COL19A1: variants seen among roughly 807,000 people sequenced by gnomAD.
COL19A1 encodes collagen type XIX alpha 1 chain.
Under a neutral mutation model 190.2 loss-of-function variants are expected in COL19A1, and 159 were observed. The ratio of observed to expected loss-of-function variants is 0.84; its 90% CI spans 0.73 to 0.95. The LOEUF (loss-of-function observed/expected upper bound fraction) is 0.95, where lower values mean the gene tolerates loss of function less well. COL19A1 is among the 40% of genes least tolerant of loss of function. The pLI is 0.00. For missense variants in COL19A1, 1,418 were observed against 1,431.9 expected, an observed-to-expected ratio of 0.99 and a Z score of 0.16; for synonymous variants, 509 against 458.9, an observed-to-expected ratio of 1.11 and a Z score of -1.39.
intron 16 of COL19A1, among the ~76,000 whole-genome samples, chr6:70,106,712 G>A (rs1783991800): frequency 6.6e-6 from 1 of 152,158 alleles, no homozygotes; most frequent in Admixed American, 6.5e-5. Flanking sequence ...TTAAAAACCA[G>A]AGCTGATCTT....
intron 48 of COL19A1, among the ~76,000 whole-genome samples, chr6:70,198,028 A>G (rs1006121738): frequency 6.6e-5 from 10 of 152,254 alleles, no homozygotes; most frequent in African/African-American, 1.9e-4. Context: ...GATTTTCCTC[A>G]GAAGTAATTT....
intron 15 of COL19A1, among the ~76,000 whole-genome samples, chr6:70,093,104 T>A (rs1193384953): frequency 6.6e-6 from 1 of 152,154 alleles, no homozygotes; most frequent in Non-Finnish European, 1.5e-5. Context: ...GAGAAAAGTC[T>A]TCATTCATGA....
intron 12 of COL19A1, among the ~76,000 whole-genome samples, chr6:70,027,552 C>T (rs1357580440): frequency 8.6e-6 from 1 of 116,404 alleles, no homozygotes; most frequent in East Asian, 2.8e-4. Context: ...CTAAGTGTAT[C>T]TTAACTGTGT....
intron 9 of COL19A1, among the ~76,000 whole-genome samples, chr6:69,953,777 A>G (rs1407646857): frequency 1.3e-5 from 2 of 152,014 alleles, no homozygotes; most frequent in African/African-American, 2.4e-5. Context: ...TAGTCTGCTA[A>G]TGTTCCTGTT....
At chr6:70,180,254 C>T (rs1442450493) in intron 42 of COL19A1, 58 bp from the exon 43 acceptor site, 1 of 1,587,826 alleles carries the variant, frequency 6.3e-7, no homozygotes, top group Middle Eastern at 1.7e-4. Flanking sequence ...GGAAGAGAAG[C>T]ATATGGTGTC....
chr6:70,161,102 T>C (rs1025797190), intron 34 of COL19A1, among the ~76,000 whole-genome samples: 1 of 152,100 alleles, frequency 6.6e-6, no homozygotes, highest in Non-Finnish European at 1.5e-5. Context: ...ATTCTACAAA[T>C]CTAAGGAGGG....
At position 70,142,059 on chromosome 6, in the gene COL19A1, G is replaced by A; in HGVS notation, c.1555G>A (p.Gly519Arg). 1.9e-6 allele frequency: 3 copies of A among 1,612,046 alleles called. No homozygotes were observed. The highest frequency in any genetic ancestry group is 2.5e-6 in the Non-Finnish European group (3 of 1,178,754). ...AGATCCCGGACCCCCTGGTTTAATA[G>A]GAAGCCCAGGACTAAAGGTATATAA... Reference protein sequence around the residue: ...PGDPGPPGLIGSPGLKGQQGS... With the variant: ...PGDPGPPGLIRSPGLKGQQGS... Residue 519 changes from glycine (G) to arginine (R), a missense_variant, in exon 22 of 51, where the codon GGA becomes AGA. By Grantham distance (125) the Gly-to-Arg change is moderately radical. Transcript: ENST00000620364.
At chr6:70,171,093 A>G (rs1236474769) in intron 40 of COL19A1, among the ~76,000 whole-genome samples, 1 of 152,224 alleles carries the variant, frequency 6.6e-6, no homozygotes, top group African/African-American at 2.4e-5. Context: ...CAGCTCAGGA[A>G]AGCTTTGAAT....
chr6:70,206,815 C>T, intron 49 of COL19A1, 86 bp from the exon 50 acceptor site: 1 of 1,127,000 alleles, frequency 8.9e-7, no homozygotes, highest in Non-Finnish European at 1.3e-6. Flanking sequence ...ACATAATTAT[C>T]ACAGACTCAG....
At chr6:69,901,404 A>G (rs1770181084) in intron 4 of COL19A1, among the ~76,000 whole-genome samples, 1 of 152,218 alleles carries the variant, frequency 6.6e-6, no homozygotes, top group Admixed American at 6.5e-5. Context: ...GGTAATTTTC[A>G]TTTAATGACT....
At chr6:69,891,421 C>A (rs1769341374) in intron 2 of COL19A1, among the ~76,000 whole-genome samples, 1 of 152,054 alleles carries the variant, frequency 6.6e-6, no homozygotes, top group African/African-American at 2.4e-5. Flanking sequence ...AAGAGGGCAC[C>A]TTTTAAAGGA....
At chr6:69,873,481 G>A (rs1767957048) in intron 1 of COL19A1, among the ~76,000 whole-genome samples, 1 of 152,086 alleles carries the variant, frequency 6.6e-6, no homozygotes, top group Non-Finnish European at 1.5e-5. Flanking sequence ...AAAAAATGAG[G>A]GATGAACTTT....
At chr6:69,876,577 TC>T (rs1281079720) in intron 1 of COL19A1, among the ~76,000 whole-genome samples, 4 of 152,222 alleles carry the variant, frequency 2.6e-5, no homozygotes, top group African/African-American at 9.6e-5. Flanking sequence ...TAGTATTATT[TC>T]CAATTTGAAG....
intron 11 of COL19A1, among the ~76,000 whole-genome samples, chr6:69,965,240 C>T (rs3805973): frequency 0.074 from 11,305 of 152,172 alleles, 551 homozygotes; most frequent in East Asian, 0.2. Context: ...GACAAGTCAC[C>T]AGTTGCAAAA....
chr6:69,974,806 C>CTTTTTTT (rs35518948), intron 11 of COL19A1, among the ~76,000 whole-genome samples: 10 of 93,064 alleles, frequency 1.1e-4, no homozygotes, highest in Admixed American at 2.5e-4. Context: ...AGACAGCTTC[C>CTTTTTTT]TTTTTTTTTT....
At chr6:70,096,084 A>ATTTTTT (rs70987498) in intron 15 of COL19A1, among the ~76,000 whole-genome samples, 28 of 141,310 alleles carry the variant, frequency 2.0e-4, no homozygotes, top group Admixed American at 1.6e-3. Context: ...CGGTAACTCT[A>ATTTTTT]TTTTTTTTTT....
At chr6:69,970,998 G>A (rs1023467017) in intron 11 of COL19A1, among the ~76,000 whole-genome samples, 7 of 152,138 alleles carry the variant, frequency 4.6e-5, no homozygotes, top group Non-Finnish European at 1.0e-4. Flanking sequence ...GAGGCTTAAT[G>A]CTAGTCATTA....
chr6:69,948,433 A>G (rs1210738048), intron 9 of COL19A1, among the ~76,000 whole-genome samples: 1 of 151,958 alleles, frequency 6.6e-6, no homozygotes. Context: ...TATGACAACC[A>G]GGTGCAAACT....
chr6:70,081,387 T>C (rs1468736045), intron 15 of COL19A1, among the ~76,000 whole-genome samples: 1 of 152,304 alleles, frequency 6.6e-6, no homozygotes, highest in Non-Finnish European at 1.5e-5. Flanking sequence ...ACAAGGCACA[T>C]TTTCTAGCAT....
Sources: allele counts gnomAD v4.1 joint callset (sites outside exome capture counted in the v4.1 genomes callset), GRCh38; gene constraint gnomAD v4.1.1; transcripts MANE v1.5; gene names NCBI Gene and HGNC (gene_info 2026-07-23, HGNC 2026-07-21).